PCDHA5: variants seen among roughly 807,000 people sequenced by gnomAD.
PCDHA5 encodes the protein protocadherin alpha 5.
Under a neutral mutation model 61.6 loss-of-function variants are expected in PCDHA5, and 43 were observed. That is an observed-to-expected ratio of 0.70 (90% CI 0.55 to 0.90). The LOEUF is 0.90. Among genes scored for constraint, PCDHA5 ranks in the 40% least tolerant of loss-of-function variants. PCDHA5 has a pLI of 0.00. For synonymous variants in PCDHA5, 627 were observed against 543.9 expected, an observed-to-expected ratio of 1.15 and a Z score of -2.13; for missense variants, 1,298 against 1,222.7, an observed-to-expected ratio of 1.06 and a Z score of -0.92.
At chr5:140,883,538 G>A (rs782240531) in intron 1 of PCDHA5, 1 of 1,614,230 alleles carries the variant, frequency 6.2e-7, no homozygotes, top group Admixed American at 1.7e-5. Flanking sequence ...CTATGAACTG[G>A]TGGTGACCGC....
intron 1 of PCDHA5, chr5:140,876,682 T>C (rs782271076): frequency 5.6e-6 from 9 of 1,614,180 alleles, no homozygotes; most frequent in Non-Finnish European, 4.2e-6. Context: ...CTACAAGAAT[T>C]ACTACTCGTT....
intron 1 of PCDHA5, chr5:140,883,163 A>C: frequency 6.2e-7 from 1 of 1,614,068 alleles, no homozygotes; most frequent in South Asian, 1.1e-5. Context: ...AAATCCGAAC[A>C]ATGGAGAAAT....
intron 1 of PCDHA5, chr5:140,877,051 G>C (rs1554169275): frequency 1.2e-6 from 2 of 1,612,752 alleles, no homozygotes; most frequent in Non-Finnish European, 1.7e-6. Context: ...AGACCACGAG[G>C]AGCTGGAGCT....
intron 3 of PCDHA5, among the ~76,000 whole-genome samples, chr5:140,997,722 C>G (rs2097782886): frequency 6.6e-6 from 1 of 151,372 alleles, no homozygotes; most frequent in South Asian, 2.1e-4. Context: ...CTTTCTACGT[C>G]AGTACATATA....
chr5:140,916,559 G>C (rs1170876334), intron 1 of PCDHA5, among the ~76,000 whole-genome samples: 2 of 152,224 alleles, frequency 1.3e-5, no homozygotes, highest in African/African-American at 4.8e-5. Flanking sequence ...TATTTGTCCA[G>C]GGTGTGTCTA....
At chr5:140,966,899 C>T in intron 1 of PCDHA5, 2 of 1,598,372 alleles carry the variant, frequency 1.3e-6, no homozygotes, top group African/African-American at 1.3e-5. Context: ...CTCCCAGCTG[C>T]GATACTCTGT....
chr5:140,934,377 G>A (rs1183246116), intron 1 of PCDHA5, among the ~76,000 whole-genome samples: 2 of 152,050 alleles, frequency 1.3e-5, no homozygotes, highest in Non-Finnish European at 2.9e-5. Flanking sequence ...TCCTTCTGTG[G>A]TTCTATGGTG....
chr5:140,850,347 G>T, intron 1 of PCDHA5: 9 of 1,597,856 alleles, frequency 5.6e-6, no homozygotes, highest in Non-Finnish European at 7.7e-6. Flanking sequence ...AACGGCCAGC[G>T]CGAGCATCCC....
intron 3 of PCDHA5, among the ~76,000 whole-genome samples, chr5:140,990,735 C>T (rs1554251705): frequency 6.6e-6 from 1 of 152,112 alleles, no homozygotes; most frequent in African/African-American, 2.4e-5. Flanking sequence ...ATATCAACAG[C>T]CCTAGGGTGG....
At chr5:140,852,214 ATTTTAAT>A (rs2042272787) in intron 1 of PCDHA5, 1 of 644,752 alleles carries the variant, frequency 1.6e-6, no homozygotes, top group Non-Finnish European at 2.0e-6. Flanking sequence ...AAAACAAAAT[ATTTTAAT>A]TTTTAAATTT....
At chr5:140,989,413 T>G (rs1234033175) in intron 3 of PCDHA5, among the ~76,000 whole-genome samples, 3 of 152,172 alleles carry the variant, frequency 2.0e-5, no homozygotes, top group Non-Finnish European at 4.4e-5. Context: ...GAGTCTGCAC[T>G]TCACTCTGTG....
chr5:140,821,836 G>A lies in PCDHA5; in HGVS notation c.61G>A (p.Ala21Thr), dbSNP rs2150111066. ...SRLLLLWLLL[A>T]YWKAGSGQLH... ...GCTCCTGCTGCTCTGGCTTCTCCTT[G>A]CCTACTGGAAGGCAGGGAGCGGCCA... The change falls in exon 1 of 4, where the codon GCC (alanine) becomes ACC (threonine). Residue 21 changes from alanine (A) to threonine (T), a missense_variant. Transcript: ENST00000529859. 1 of 1,614,106 alleles carries A rather than the reference G, an allele frequency of 6.2e-7. No homozygotes were observed. The highest frequency in any genetic ancestry group is 8.5e-7 in the Non-Finnish European group (1 of 1,179,994).
Position 140,821,899 on chromosome 5 carries a change from A to G in PCDHA5, c.124A>G (p.Thr42Ala), listed in dbSNP as rs1767104322. 6.2e-7 allele frequency: 1 copy of G among 1,614,162 alleles called. No homozygotes were observed. The highest frequency in any genetic ancestry group is 8.5e-7 in the Non-Finnish European group (1 of 1,180,010). The change falls in exon 1 of 4, where the codon ACC (threonine) becomes GCC (alanine). Residue 42 changes from threonine (T) to alanine (A), a missense_variant. Transcript: ENST00000529859. ...GATCCCGGAGGAAGCCAAACACGGA[A>G]CCTTCGTTGGCCGCATCGCGCAGGA... ...YSIPEEAKHG[T>A]FVGRIAQDLG...
In PCDHA5 at chr5:140,839,923, A is replaced by G. The variant is rs2150301855; in HGVS notation, c.2352+15796A>G. ...TGAAGTAATAGAAGAAAAACCTTGAACAAAGAGTGTGCCAAGAAGGAGACA... is the reference window on the plus strand; with the variant it reads ...TGAAGTAATAGAAGAAAAACCTTGAGCAAAGAGTGTGCCAAGAAGGAGACA... On this transcript the variant is annotated intron_variant, in intron 1 of 3. Transcript: ENST00000529859. Among the ~76,000 whole-genome samples the G allele has an allele frequency of 3.2e-4, 49 of 152,178 alleles. No individual in the cohort carries two copies. In the South Asian group the frequency reaches 8.1e-3, roughly 25 times the overall value.
At chr5:140,884,538 G>A (rs781889228) in intron 1 of PCDHA5, 21 of 1,613,994 alleles carry the variant, frequency 1.3e-5, no homozygotes, top group Non-Finnish European at 1.8e-5. Context: ...AGGCGGCCGA[G>A]GGTGTGCTCT....
At chr5:140,966,751 G>A (rs1554228608) in intron 1 of PCDHA5, 1 of 1,429,674 alleles carries the variant, frequency 7.0e-7, no homozygotes, top group Admixed American at 2.7e-5. Flanking sequence ...GGCTGCCTCC[G>A]CCGCGGCCAG....
chr5:140,962,107 G>A (rs1010906038), intron 1 of PCDHA5, among the ~76,000 whole-genome samples: 20 of 151,860 alleles, frequency 1.3e-4, no homozygotes, highest in African/African-American at 4.4e-4. Flanking sequence ...GGATGGTCTC[G>A]ATCTCCTAAC....
intron 1 of PCDHA5, chr5:140,857,128 AGAT>A: frequency 6.3e-7 from 1 of 1,598,286 alleles, no homozygotes; most frequent in South Asian, 1.1e-5. Flanking sequence ...CAGTGAAAGA[AGAT>A]GCTCAAGTGG....
At chr5:140,885,970 A>G (rs1554182306) in intron 1 of PCDHA5, among the ~76,000 whole-genome samples, 1 of 152,122 alleles carries the variant, frequency 6.6e-6, no homozygotes, top group Non-Finnish European at 1.5e-5. Flanking sequence ...TTTTGAGATA[A>G]TTATAGATTC....
Sources: allele counts gnomAD v4.1 joint callset (sites outside exome capture counted in the v4.1 genomes callset), GRCh38; gene constraint gnomAD v4.1.1; transcripts MANE v1.5; gene names NCBI Gene and HGNC (gene_info 2026-07-23, HGNC 2026-07-21).